The following GOLGA5 variants were observed in gnomAD, a reference collection of about 807,000 sequenced individuals.
GOLGA5 encodes the protein golgin subfamily A member 5.
GOLGA5 carries 50 observed loss-of-function variants against 93.5 expected under a neutral mutation model. The observed-to-expected ratio is 0.53, with a 90% CI of 0.43 to 0.68. The LOEUF is 0.68. Among genes scored for constraint, GOLGA5 ranks in the 30% least tolerant of loss-of-function variants. The pLI, the probability that GOLGA5 is intolerant of heterozygous loss-of-function variation, is 0.00. For missense variants in GOLGA5, 760 were observed against 856.4 expected (o/e 0.89, Z 1.40); for synonymous variants, 312 against 304.5 (o/e 1.02, Z -0.26).
At position 92,797,680 on chromosome 14, in the gene GOLGA5, T is replaced by C; in HGVS notation, c.243T>C (p.Thr81=). 6.2e-7 allele frequency: 1 copy of C among 1,614,138 alleles called. No individual in the cohort carries two copies. Among genetic ancestry groups the C allele is most frequent in the Non-Finnish European group, 8.5e-7 (1 of 1,179,952 alleles). ...AAAAAGCCACCATCTTAGCTGGCAC[T>C]GCAAATGTGAAAGTAGGATCTCGGA... is the stretch of plus-strand genomic sequence containing the variant. ...RNQKATILAG[T]ANVKVGSRTP... Residue 81 remains threonine (T), a synonymous_variant, in exon 2 of 13, where the codon ACT becomes ACC. Transcript: ENST00000163416.
intron 9 of GOLGA5, among the ~76,000 whole-genome samples, chr14:92,827,429 C>T (rs751453639): frequency 2.0e-5 from 3 of 152,192 alleles, no homozygotes; most frequent in Admixed American, 6.6e-5. Context: ...ACACAAACTG[C>T]ATCCACATAA....
chr14:92,809,350 A>G lies in GOLGA5; in HGVS notation c.823A>G (p.Lys275Glu). ...RVEKWNADHSKSDRMTRGLRA... is the reference protein window; with the variant it reads ...RVEKWNADHSESDRMTRGLRA... ...TGAAAAGTGGAATGCTGACCATTCAAAGAGTGATCGAATGACTCGAGGACT... is the reference window on the plus strand; with the variant it reads ...TGAAAAGTGGAATGCTGACCATTCAGAGAGTGATCGAATGACTCGAGGACT... Residue 275 changes from lysine to glutamate, a missense_variant, in exon 4 of 13, where the codon AAG becomes GAG. Transcript: ENST00000163416. 6.2e-7 allele frequency: 1 copy of G among 1,613,848 alleles called. No individual in the cohort carries two copies. Among genetic ancestry groups the G allele is most frequent in the Admixed American group, 1.7e-5 (1 of 60,020 alleles).
rs922051426 is a variant in GOLGA5 at position 92,811,627 on chromosome 14, G to T, written c.1193G>T (p.Arg398Ile). 6.2e-7 allele frequency: 1 copy of T among 1,613,018 alleles called. No individual in the cohort carries two copies. The highest frequency in any genetic ancestry group is 1.3e-5 in the African/African-American group (1 of 75,006). ...NLAEAITLAE[R>I]KYSDEKKRVD... ...GCAGAAGCAATTACACTGGCCGAAA[G>T]AAAATACTCAGATGAGAAGAAGAGG... Residue 398 changes from arginine (R) to isoleucine (I), a missense_variant, in exon 6 of 13, where the codon AGA (arginine) becomes ATA (isoleucine). Arg to Ile is a moderately conservative substitution (Grantham distance 97, BLOSUM62 -3). Coordinates refer to ENST00000163416, the MANE Select transcript of GOLGA5 (RefSeq NM_005113.4).
intron 12 of GOLGA5, among the ~76,000 whole-genome samples, chr14:92,838,151 C>T (rs1885684860): frequency 6.6e-6 from 1 of 152,102 alleles, no homozygotes; most frequent in Admixed American, 6.5e-5. Context: ...TACTTTCTCC[C>T]AGATTTCTTA....
At chr14:92,814,567 A>G (rs1885165637) in intron 6 of GOLGA5, among the ~76,000 whole-genome samples, 1 of 152,166 alleles carries the variant, frequency 6.6e-6, no homozygotes, top group African/African-American at 2.4e-5. Context: ...CTGGTTTTTT[A>G]TTAAAAAAAA....
intron 2 of GOLGA5, among the ~76,000 whole-genome samples, chr14:92,804,007 T>C (rs1365030055): frequency 6.6e-6 from 1 of 152,214 alleles, no homozygotes; most frequent in Non-Finnish European, 1.5e-5. Context: ...CTCTCTAGTA[T>C]GTTTATTTCC....
intron 2 of GOLGA5, among the ~76,000 whole-genome samples, chr14:92,801,735 CT>C (rs11388778): frequency 0.071 from 10,197 of 143,144 alleles, 384 homozygotes; most frequent in Middle Eastern, 0.12. Flanking sequence ...TTCCCTTTTT[CT>C]TTTTTTTTTT....
At chr14:92,819,340 C>T (rs941395847) in intron 7 of GOLGA5, among the ~76,000 whole-genome samples, 2 of 152,056 alleles carry the variant, frequency 1.3e-5, no homozygotes, top group Admixed American at 1.3e-4. Flanking sequence ...CTGAGCCCAG[C>T]ACATAGTAAT....
At chr14:92,800,492 A>T (rs1023410641) in intron 2 of GOLGA5, among the ~76,000 whole-genome samples, 2 of 152,244 alleles carry the variant, frequency 1.3e-5, no homozygotes, top group African/African-American at 2.4e-5. Context: ...GCTAGCAAAC[A>T]AAGTTGGGAC....
chr14:92,833,438 A>G lies in GOLGA5; in HGVS notation c.1945+91A>G, dbSNP rs1455239452. The G allele has an allele frequency of 3.2e-6, 3 of 943,410 alleles. No individual in the cohort carries two copies. The Admixed American group carries it at 6.1e-5, about 19-fold the overall frequency. The allele number at this position is 943,410 out of a possible 1,614,324, so 58.4% of individuals were successfully genotyped here. On this transcript the variant is annotated intron_variant, in intron 10 of 12. Coordinates refer to ENST00000163416, the MANE Select transcript of GOLGA5 (RefSeq NM_005113.4). Reference sequence around the variant, plus strand: ...ACTATTTTTATTTGAAAGAAACTTCATCCAGTGAAGGACTCAATTTTCTGA... The same window carrying G: ...ACTATTTTTATTTGAAAGAAACTTCGTCCAGTGAAGGACTCAATTTTCTGA...
chr14:92,834,139 C>G (rs1038769182), intron 10 of GOLGA5, among the ~76,000 whole-genome samples: 2 of 150,156 alleles, frequency 1.3e-5, no homozygotes, highest in East Asian at 3.9e-4. Context: ...CTGACCATAA[C>G]TTCTGTGATT....
chr14:92,800,074 A>G (rs1190769389), intron 2 of GOLGA5, among the ~76,000 whole-genome samples: 1 of 152,224 alleles, frequency 6.6e-6, no homozygotes, highest in Non-Finnish European at 1.5e-5. Flanking sequence ...ATCAGGCAGT[A>G]GCAGTTGATT....
At position 92,817,519 on chromosome 14, in the gene GOLGA5, A is replaced by G. The variant is rs115818570; in HGVS notation, c.1491+1098A>G. ...AATTTATAGTTTATGTATAATTACT[A>G]TATTTAAAAGTAAAGTTGGGCCATT... On this transcript the variant is annotated intron_variant, in intron 7 of 12. Coordinates refer to ENST00000163416, the MANE Select transcript of GOLGA5 (RefSeq NM_005113.4). Among the ~76,000 whole-genome samples the G allele has an allele frequency of 2.1e-3, 323 of 152,312 alleles. 2 individuals carry two copies. Among genetic ancestry groups the G allele is most frequent in the African/African-American group, 7.2e-3 (299 of 41,562 alleles).
chr14:92,811,566 C>T lies in GOLGA5; in HGVS notation c.1132C>T (p.Arg378Cys), dbSNP rs751943504. 3.0e-5 allele frequency: 48 copies of T among 1,609,682 alleles called. No individual in the cohort carries two copies. Among genetic ancestry groups the T allele is most frequent in the East Asian group, 1.3e-4 (6 of 44,856 alleles). ...TTTGTCACAGAGCGAGTTTGCTGCA[C>T]GCCTTAATAAAGTGGAAATGGAACG... is the stretch of plus-strand genomic sequence containing the variant. ...YKQMQSEFAA[R>C]LNKVEMERQN... Residue 378 changes from arginine to cysteine, a missense_variant, in exon 6 of 13, where the codon CGC (arginine) becomes TGC (cysteine). Transcript: ENST00000163416.
Position 92,819,735 on chromosome 14 carries a change from G to T in GOLGA5, c.1519G>T (p.Ala507Ser), listed in dbSNP as rs1885276840. The change falls in exon 8 of 13, where the codon GCA (alanine) becomes TCA (serine). Residue 507 changes from alanine (A) to serine (S), a missense_variant. By Grantham distance (99) the Ala-to-Ser change is moderately conservative (BLOSUM62 1). Transcript: ENST00000163416. ...TATGGAGGCACAGCAAGTTAATGAA[G>T]CAGAATCAGCAAGAGAACAGTTACA... ...QDMEAQQVNE[A>S]ESAREQLQDL... 1 of 1,613,650 alleles carries T rather than the reference G, an allele frequency of 6.2e-7. No individual in the cohort carries two copies. Among genetic ancestry groups the T allele is most frequent in the Admixed American group, 1.7e-5 (1 of 59,994 alleles).
Position 92,839,491 on chromosome 14 carries a change from T to C in GOLGA5, c.*45T>C, listed in dbSNP as rs1226936375. The C allele has an allele frequency of 2.2e-6, 3 of 1,343,798 alleles. No individual in the cohort carries two copies. Among genetic ancestry groups the C allele is most frequent in the Non-Finnish European group, 2.1e-6 (2 of 942,830 alleles). The allele number at this position is 1,343,798 out of a possible 1,614,324, so 83.2% of individuals were successfully genotyped here. A position where few individuals can be genotyped will look rare whatever the true frequency, so the allele number is the denominator to read the frequency against. ...GTGATTGGTTGTCTTTTTCTAGACTTGGGATCTGCAAGAAGGCCAATTGCC... is the reference window on the plus strand; with the variant it reads ...GTGATTGGTTGTCTTTTTCTAGACTCGGGATCTGCAAGAAGGCCAATTGCC... On this transcript the variant is annotated 3_prime_UTR_variant, in exon 13 of 13. Transcript: ENST00000163416.
At chr14:92,834,196 A>ATTT (rs1566961755) in intron 10 of GOLGA5, among the ~76,000 whole-genome samples, 3 of 98,802 alleles carry the variant, frequency 3.0e-5, no homozygotes, top group Admixed American at 1.0e-4. Flanking sequence ...TTTTTTTTTT[A>ATTT]TTTTATTTTT....
chr14:92,823,561 C>T (rs1050827631), intron 8 of GOLGA5, among the ~76,000 whole-genome samples: 22 of 151,434 alleles, frequency 1.5e-4, no homozygotes, highest in African/African-American at 3.9e-4. Flanking sequence ...ATTACAGGCA[C>T]GCACCACCGA....
At chr14:92,820,780 C>A (rs1885302910) in intron 8 of GOLGA5, among the ~76,000 whole-genome samples, 1 of 152,212 alleles carries the variant, frequency 6.6e-6, no homozygotes. Flanking sequence ...CAAGGCACAT[C>A]CTGCACAGCC....
Sources: allele counts gnomAD v4.1 joint callset (sites outside exome capture counted in the v4.1 genomes callset), GRCh38; gene constraint gnomAD v4.1.1; transcripts MANE v1.5; gene names NCBI Gene and HGNC (gene_info 2026-07-23, HGNC 2026-07-21).